The following JHY variants were observed in gnomAD, a reference collection of about 807,000 sequenced individuals.
JHY encodes the protein junctional cadherin complex regulator, also known as jhy protein homolog.
JHY carries 69 observed loss-of-function variants against 78.0 expected under a neutral mutation model. That is an observed-to-expected ratio of 0.88 (90% CI 0.73 to 1.08). The LOEUF (loss-of-function observed/expected upper bound fraction) is 1.08. Ranked by LOEUF, JHY falls within the 50% of genes least tolerant of loss-of-function variation. The pLI, the probability that JHY is intolerant of heterozygous loss-of-function variation, is 0.00. For synonymous variants in JHY, 368 were observed against 342.6 expected, an observed-to-expected ratio of 1.07 and a Z score of -0.82; for missense variants, 944 against 927.8, an observed-to-expected ratio of 1.02 and a Z score of -0.23.
chr11:122,904,880 G>C (rs1862951609), intron 3 of JHY, among the ~76,000 whole-genome samples: 1 of 152,110 alleles, frequency 6.6e-6, no homozygotes, highest in Admixed American at 6.5e-5. Context: ...CATAGCAGAG[G>C]TTTTCAACCC....
At chr11:122,928,635 G>A (rs1035916192) in intron 4 of JHY, among the ~76,000 whole-genome samples, 12 of 151,208 alleles carry the variant, frequency 7.9e-5, no homozygotes, top group Non-Finnish European at 1.8e-4. Flanking sequence ...GTTGTTTTTT[G>A]TAGTTGTTGG....
intron 3 of JHY, among the ~76,000 whole-genome samples, chr11:122,912,987 C>A (rs951806220): frequency 2.0e-5 from 3 of 152,112 alleles, no homozygotes; most frequent in African/African-American, 4.8e-5. Flanking sequence ...AGGGAAGAGG[C>A]CCTTCTAACC....
chr11:122,896,251 A>G (rs1862737954), intron 2 of JHY, among the ~76,000 whole-genome samples: 1 of 151,550 alleles, frequency 6.6e-6, no homozygotes, highest in Non-Finnish European at 1.5e-5. Context: ...TTAAGAATGG[A>G]AATTTGGCTT....
intron 2 of JHY, among the ~76,000 whole-genome samples, chr11:122,901,164 G>T (rs35761484): frequency 1.3e-5 from 2 of 152,004 alleles, no homozygotes; most frequent in Non-Finnish European, 2.9e-5. Flanking sequence ...ATAATACCTT[G>T]GTAAGTATTT....
intron 2 of JHY, among the ~76,000 whole-genome samples, chr11:122,888,911 T>C (rs776380990): frequency 2.0e-5 from 3 of 152,222 alleles, no homozygotes; most frequent in African/African-American, 7.2e-5. Context: ...TGGTTGAATA[T>C]TGATGAATAT....
At chr11:122,929,862 T>C (rs529897431) in intron 4 of JHY, among the ~76,000 whole-genome samples, 6 of 152,166 alleles carry the variant, frequency 3.9e-5, no homozygotes, top group Non-Finnish European at 1.5e-5. Context: ...TTCTGTAAGT[T>C]TGAAATAACT....
In JHY at chr11:122,960,116, T is replaced by C. The variant is rs1054549541; in HGVS notation, c.*671T>C. Among the ~76,000 whole-genome samples, 1 of 151,868 alleles carries C rather than the reference T, an allele frequency of 6.6e-6. No homozygotes were observed. ...AGGCGTGGTGGCGCATGTCTATAGT[T>C]CCAGGTACTCAGGAGGCTGAGGCAC... On this transcript the variant is annotated 3_prime_UTR_variant, in exon 9 of 9. Coordinates refer to ENST00000227349, the MANE Select transcript of JHY (RefSeq NM_024806.4).
At chr11:122,951,083 T>G (rs1864075014) in intron 6 of JHY, among the ~76,000 whole-genome samples, 1 of 152,216 alleles carries the variant, frequency 6.6e-6, no homozygotes, top group African/African-American at 2.4e-5. Flanking sequence ...GGGATCATTA[T>G]CCAGGTCATG....
At chr11:122,901,067 T>G (rs1325285310) in intron 2 of JHY, among the ~76,000 whole-genome samples, 2 of 152,202 alleles carry the variant, frequency 1.3e-5, no homozygotes, top group South Asian at 4.1e-4. Context: ...GGGAACATCA[T>G]AGAGTGCACT....
intron 5 of JHY, among the ~76,000 whole-genome samples, chr11:122,939,646 T>C (rs867903319): frequency 6.6e-6 from 1 of 152,350 alleles, no homozygotes; most frequent in South Asian, 2.1e-4. Flanking sequence ...CCTTTTCATT[T>C]TGAAATTGTT....
At chr11:122,932,358 T>C (rs142944424) in intron 4 of JHY, among the ~76,000 whole-genome samples, 7 of 152,318 alleles carry the variant, frequency 4.6e-5, no homozygotes, top group African/African-American at 1.7e-4. Flanking sequence ...CATAAAATGA[T>C]GAGTCCTTGG....
rs1056544485 is a variant in JHY at position 122,957,376 on chromosome 11, T to C, written c.2024T>C (p.Ile675Thr). 2 of 1,527,922 alleles carry C rather than the reference T, an allele frequency of 1.3e-6. No homozygotes were observed. Among genetic ancestry groups the C allele is most frequent in the Non-Finnish European group, 1.7e-6 (2 of 1,150,704 alleles). The allele number at this position is 1,527,922 out of a possible 1,614,324, so 94.6% of individuals were successfully genotyped here. A position where few individuals can be genotyped will look rare whatever the true frequency, so the allele number is the denominator to read the frequency against. The part of the protein sequence containing the change: ...ESIRDKTQKL[I>T]QQKEYAKQVK... ...TTCTCTGAACAGACGCAAAAATTAA[T>C]ACAGCAAAAGGAATATGCAAAACAA... Residue 675 changes from isoleucine (I) to threonine (T), a missense_variant, in exon 8 of 9, where the codon ATA becomes ACA. Ile to Thr is a moderately conservative substitution (Grantham distance 89, BLOSUM62 -1). Transcript: ENST00000227349.
intron 3 of JHY, 74 bp downstream of exon 3, chr11:122,904,518 AT>A (rs1862945170): frequency 6.6e-7 from 1 of 1,504,318 alleles, no homozygotes; most frequent in Non-Finnish European, 9.0e-7. Flanking sequence ...GTGTCTAGAT[AT>A]CGCTTCCTTT....
chr11:122,914,991 G>C (rs1863205678), intron 3 of JHY, among the ~76,000 whole-genome samples: 1 of 151,618 alleles, frequency 6.6e-6, no homozygotes, highest in Admixed American at 6.6e-5. Flanking sequence ...CTACCAATTT[G>C]TATGATCTAT....
intron 5 of JHY, among the ~76,000 whole-genome samples, chr11:122,939,367 T>C (rs1432791976): frequency 6.6e-6 from 1 of 152,150 alleles, no homozygotes; most frequent in African/African-American, 2.4e-5. Flanking sequence ...CACTCCCACT[T>C]ACAGCTCATG....
intron 5 of JHY, among the ~76,000 whole-genome samples, chr11:122,942,262 AT>A (rs1275621079): frequency 6.6e-6 from 1 of 152,124 alleles, no homozygotes; most frequent in African/African-American, 2.4e-5. Flanking sequence ...CTTTTTCTTG[AT>A]CAGCCTTGCA....
At chr11:122,926,680 G>C (rs981377807) in intron 4 of JHY, among the ~76,000 whole-genome samples, 13 of 152,140 alleles carry the variant, frequency 8.5e-5, no homozygotes, top group African/African-American at 3.1e-4. Context: ...CAGGAACCAG[G>C]GACAAAGGAA....
At chr11:122,896,066 T>G (rs963842224) in intron 2 of JHY, among the ~76,000 whole-genome samples, 2 of 152,158 alleles carry the variant, frequency 1.3e-5, no homozygotes, top group Non-Finnish European at 2.9e-5. Context: ...AAGAGCCACA[T>G]CTTCAGGCTC....
intron 4 of JHY, 67 bp from the exon 5 acceptor site, chr11:122,934,353 T>C (rs1385472778): frequency 6.3e-6 from 4 of 634,046 alleles, no homozygotes; most frequent in Non-Finnish European, 8.9e-6. Flanking sequence ...AATAAATAAA[T>C]AATAAAATAA....
Sources: gnomAD v4.1 joint callset for allele counts (sites outside exome capture counted in the v4.1 genomes callset) on GRCh38, gnomAD v4.1.1 for gene constraint, MANE v1.5 for transcripts, NCBI Gene and HGNC (gene_info 2026-07-23, HGNC 2026-07-21) for gene names.